Variants in KAZN observed in about 807,000 individuals in gnomAD.
The protein encoded by KAZN is kazrin.
A neutral mutation model predicts 87.4 loss-of-function variants in KAZN; 40 were observed. The ratio of observed to expected loss-of-function variants is 0.46; its 90% CI spans 0.36 to 0.60. KAZN has a LOEUF of 0.60. Among genes scored for constraint, KAZN ranks in the 20% least tolerant of loss-of-function variants. The pLI is 0.00. For synonymous variants in KAZN, 466 were observed against 458.3 expected, an observed-to-expected ratio of 1.02 and a Z score of -0.22; for missense variants, 898 against 1,073.9, an observed-to-expected ratio of 0.84 and a Z score of 2.29.
chr1:14,442,487 C>T (rs1472355856), intron 2 of KAZN, among the ~76,000 whole-genome samples: 1 of 152,164 alleles, frequency 6.6e-6, no homozygotes. Context: ...AACCCCTAAC[C>T]GTCTATAGCT....
intron 1 of KAZN, among the ~76,000 whole-genome samples, chr1:13,987,788 A>G (rs1312842265): frequency 6.6e-6 from 1 of 152,194 alleles, no homozygotes; most frequent in Non-Finnish European, 1.5e-5. Context: ...AAATTTCAAC[A>G]TGAATTTTGG....
chr1:14,913,493 CA>C (rs1293771071), intron 1 of KAZN, among the ~76,000 whole-genome samples: 1 of 152,194 alleles, frequency 6.6e-6, no homozygotes, highest in African/African-American at 2.4e-5. Context: ...GAATTTAGAA[CA>C]AATTCTAATT....
intron 1 of KAZN, among the ~76,000 whole-genome samples, chr1:14,137,229 T>C (rs1182755436): frequency 6.6e-6 from 1 of 152,160 alleles, no homozygotes; most frequent in African/African-American, 2.4e-5. Context: ...GAGGTGATGG[T>C]CAGGCAGGTG....
intron 1 of KAZN, among the ~76,000 whole-genome samples, chr1:14,143,757 GC>G (rs1645289661): frequency 6.6e-6 from 1 of 150,556 alleles, no homozygotes; most frequent in Non-Finnish European, 1.5e-5. Context: ...TTGCTCTGTT[GC>G]CCAGGCTGGA....
At chr1:15,006,943 G>C (rs1669069043) in intron 2 of KAZN, among the ~76,000 whole-genome samples, 1 of 151,582 alleles carries the variant, frequency 6.6e-6, no homozygotes, top group African/African-American at 2.4e-5. Flanking sequence ...TGTAGTCCCA[G>C]CTACTCGGGA....
intron 1 of KAZN, among the ~76,000 whole-genome samples, chr1:14,167,727 AC>A (rs1007313348): frequency 1.3e-4 from 19 of 148,928 alleles, no homozygotes; most frequent in African/African-American, 4.2e-4. Context: ...TGTCAAAAAA[AC>A]AAAAACAAAA....
At chr1:15,020,128 C>A (rs1670519167) in intron 2 of KAZN, among the ~76,000 whole-genome samples, 1 of 152,132 alleles carries the variant, frequency 6.6e-6, no homozygotes, top group Non-Finnish European at 1.5e-5. Context: ...ACTGCTACCC[C>A]AGGCGGGTGT....
At chr1:14,783,422 G>A (rs1645415422) in intron 1 of KAZN, among the ~76,000 whole-genome samples, 1 of 152,140 alleles carries the variant, frequency 6.6e-6, no homozygotes, top group South Asian at 2.1e-4. Flanking sequence ...GTGACCCCGA[G>A]AAGCCAAGTT....
At chr1:13,967,255 C>T (rs1044617712) in intron 1 of KAZN, among the ~76,000 whole-genome samples, 16 of 152,166 alleles carry the variant, frequency 1.1e-4, no homozygotes, top group African/African-American at 2.7e-4. Context: ...TTTGGACAAA[C>T]GTGTGTGGAC....
At chr1:15,092,330 C>T (rs927823640) in intron 8 of KAZN, among the ~76,000 whole-genome samples, 2 of 152,176 alleles carry the variant, frequency 1.3e-5, no homozygotes, top group Non-Finnish European at 2.9e-5. Context: ...CTACCTCGGC[C>T]TCCCAAAGTG....
At chr1:15,005,946 C>T (rs1309962920) in intron 2 of KAZN, among the ~76,000 whole-genome samples, 3 of 152,138 alleles carry the variant, frequency 2.0e-5, no homozygotes, top group African/African-American at 7.2e-5. Context: ...TGTGCCTTAC[C>T]GCGACACTGG....
At chr1:14,459,136 C>T (rs1219108852) in intron 2 of KAZN, among the ~76,000 whole-genome samples, 2 of 152,146 alleles carry the variant, frequency 1.3e-5, no homozygotes, top group Admixed American at 6.5e-5. Context: ...CCACTGAACA[C>T]GCAGGCTTCC....
At chr1:14,558,410 C>G (rs1330056930) in intron 2 of KAZN, among the ~76,000 whole-genome samples, 4 of 152,194 alleles carry the variant, frequency 2.6e-5, no homozygotes, top group African/African-American at 9.7e-5. Context: ...GCTTGTCACT[C>G]ATTTACCTCC....
intron 2 of KAZN, among the ~76,000 whole-genome samples, chr1:15,023,148 G>A (rs1463063198): frequency 6.6e-6 from 1 of 152,202 alleles, no homozygotes; most frequent in African/African-American, 2.4e-5. Flanking sequence ...GATGGGCAAG[G>A]CCATGATCAC....
At chr1:14,579,415 G>A (rs983248399) in intron 2 of KAZN, among the ~76,000 whole-genome samples, 1 of 152,000 alleles carries the variant, frequency 6.6e-6, no homozygotes, top group South Asian at 2.1e-4. Flanking sequence ...CATGAAGTCA[G>A]GAGATTGAGA....
chr1:14,209,807 C>A (rs1341014995), intron 2 of KAZN, among the ~76,000 whole-genome samples: 3 of 152,198 alleles, frequency 2.0e-5, no homozygotes, highest in Non-Finnish European at 4.4e-5. Flanking sequence ...AGGTGGCCTA[C>A]ATCACTGTGT....
intron 1 of KAZN, among the ~76,000 whole-genome samples, chr1:14,868,916 G>C (rs191215132): frequency 6.6e-6 from 1 of 152,192 alleles, no homozygotes; most frequent in African/African-American, 2.4e-5. Flanking sequence ...GAACTGAATC[G>C]GGGTTGGCGG....
At chr1:13,915,203 C>G (rs1053875261) in intron 1 of KAZN, among the ~76,000 whole-genome samples, 2 of 152,154 alleles carry the variant, frequency 1.3e-5, no homozygotes, top group East Asian at 3.9e-4. Context: ...TGCCTTTCCC[C>G]AGCAGGGAGG....
intron 1 of KAZN, among the ~76,000 whole-genome samples, chr1:14,659,253 A>T (rs1639003119): frequency 6.6e-6 from 1 of 152,032 alleles, no homozygotes; most frequent in East Asian, 1.9e-4. Flanking sequence ...TAAAAATAAT[A>T]AATAAATAAA....
Sources: allele counts gnomAD v4.1 joint callset (sites outside exome capture counted in the v4.1 genomes callset), GRCh38; gene constraint gnomAD v4.1.1; transcripts MANE v1.5; gene names NCBI Gene and HGNC (gene_info 2026-07-23, HGNC 2026-07-21).